The following MTMR3 variants were observed in gnomAD, a reference collection of about 807,000 sequenced individuals.
MTMR3 encodes the protein phosphatidylinositol-3,5-bisphosphate 3-phosphatase MTMR3.
MTMR3 carries 32 observed loss-of-function variants against 132.4 expected under a neutral mutation model. That is an observed-to-expected ratio of 0.24 (90% CI 0.18 to 0.32). The LOEUF is 0.32. Ranked by LOEUF, MTMR3 falls within the 10% of genes least tolerant of loss-of-function variation. The probability of loss-of-function intolerance (pLI) is 1.00; values close to 1 mark genes in which losing one functional copy is unlikely to be tolerated. For synonymous variants in MTMR3, 556 were observed against 550.3 expected, an observed-to-expected ratio of 1.01 and a Z score of -0.14; for missense variants, 1,216 against 1,489.6, an observed-to-expected ratio of 0.82 and a Z score of 3.02.
intron 7 of MTMR3, chr22:29,996,910 G>A (rs1181270690): frequency 6.6e-6 from 1 of 152,042 alleles, no homozygotes; most frequent in African/African-American, 2.4e-5. Flanking sequence ...TTTTTGTGGA[G>A]ATGGGGTTGC....
intron 1 of MTMR3, among the ~76,000 whole-genome samples, chr22:29,937,696 G>T (rs891772717): frequency 6.6e-6 from 1 of 152,124 alleles, no homozygotes; most frequent in Admixed American, 6.5e-5. Context: ...GTTTCGTAGG[G>T]AGTATATATT....
intron 5 of MTMR3, chr22:29,986,461 C>G: frequency 1.7e-6 from 1 of 600,206 alleles, no homozygotes; most frequent in Admixed American, 6.4e-5. Context: ...CTCAATATTT[C>G]TTCTTTATAG....
intron 8 of MTMR3, chr22:29,999,864 T>A (rs978658155): frequency 6.6e-6 from 1 of 152,020 alleles, no homozygotes; most frequent in Non-Finnish European, 1.5e-5. Flanking sequence ...ATACAAAAAT[T>A]AGCTGGGCGT....
chr22:29,911,851 A>G lies in MTMR3; in HGVS notation c.-138+28492A>G, dbSNP rs1160512062. 2.0e-5 allele frequency among the ~76,000 whole-genome samples: 3 copies of G among 152,190 alleles called. No homozygotes were observed. In the East Asian group the frequency reaches 5.8e-4, roughly 29 times the overall value. ...TAGAATTAATCAGTATTCCTTTCCCATTATTTATGCCTATACAGTGTAGAA... is the reference window on the plus strand; with the variant it reads ...TAGAATTAATCAGTATTCCTTTCCCGTTATTTATGCCTATACAGTGTAGAA... On this transcript the variant is annotated intron_variant, in intron 1 of 19. Coordinates refer to ENST00000401950, the MANE Select transcript of MTMR3 (RefSeq NM_021090.4).
chr22:30,023,150 C>T (rs1601443177), intron 19 of MTMR3: 4 of 453,006 alleles, frequency 8.8e-6, no homozygotes, highest in East Asian at 4.3e-5. Flanking sequence ...GTAGAGACAG[C>T]TGAGGACAGT....
At chr22:29,962,734 A>G (rs183733544) in intron 2 of MTMR3, among the ~76,000 whole-genome samples, 1 of 152,056 alleles carries the variant, frequency 6.6e-6, no homozygotes, top group African/African-American at 2.4e-5. Flanking sequence ...GGTCTTTCCC[A>G]GCTCCTGGCA....
intron 1 of MTMR3, among the ~76,000 whole-genome samples, chr22:29,912,685 G>T (rs918747510): frequency 1.1e-4 from 17 of 152,166 alleles, no homozygotes; most frequent in Non-Finnish European, 2.5e-4. Flanking sequence ...AGAATGAAAG[G>T]TGAGTACCTA....
chr22:29,913,452 T>C (rs538499733), intron 1 of MTMR3, among the ~76,000 whole-genome samples: 8 of 152,332 alleles, frequency 5.3e-5, no homozygotes, highest in African/African-American at 1.7e-4. Flanking sequence ...CCAGAGCACA[T>C]ATGTATACCT....
chr22:29,938,339 T>TA (rs2065790510), intron 1 of MTMR3, among the ~76,000 whole-genome samples: 6 of 152,230 alleles, frequency 3.9e-5, no homozygotes, highest in Admixed American at 3.9e-4. Context: ...TTCTTGAGTT[T>TA]ATAATTTTCG....
intron 1 of MTMR3, among the ~76,000 whole-genome samples, chr22:29,894,099 C>T (rs1429119730): frequency 6.6e-6 from 1 of 152,194 alleles, no homozygotes; most frequent in African/African-American, 2.4e-5. Context: ...CCCATCTTGA[C>T]CTTCCAAAGT....
Position 30,021,927 on chromosome 22 carries a change from G to A in MTMR3, c.3226-102G>A. On this transcript the variant is annotated intron_variant, in intron 17 of 19. Transcript: ENST00000401950. Reference sequence around the variant, plus strand: ...TGCAGATTCGGCAGTCCTAGCACTCGGCCCCACCCAGAGTCCTCAGTTCTC... The same window carrying A: ...TGCAGATTCGGCAGTCCTAGCACTCAGCCCCACCCAGAGTCCTCAGTTCTC... 3 of 866,862 alleles carry A rather than the reference G, an allele frequency of 3.5e-6. No individual in the cohort carries two copies. The South Asian group carries it at 4.5e-5, about 13-fold the overall frequency. 53.7% of individuals were successfully genotyped at this position (866,862 alleles called of 1,614,324 possible). A position where few individuals can be genotyped will look rare whatever the true frequency, so the allele number is the denominator to read the frequency against.
intron 1 of MTMR3, 98 bp from the exon 2 acceptor site, chr22:29,956,938 T>TA (rs1309261395): frequency 6.4e-4 from 97 of 152,432 alleles, no homozygotes; most frequent in African/African-American, 2.3e-3. Context: ...GTCATAGCAT[T>TA]ATGACTGGTA....
chr22:30,003,082 G>A, intron 9 of MTMR3, 89 bp downstream of exon 9: 1 of 1,043,178 alleles, frequency 9.6e-7, no homozygotes. Flanking sequence ...AACCTGGGAA[G>A]GGTGGGGAGA....
At chr22:29,889,907 C>CTT (rs11399020) in intron 1 of MTMR3, among the ~76,000 whole-genome samples, 23,941 of 124,852 alleles carry the variant, frequency 0.19, 3,219 homozygotes, top group African/African-American at 0.29. Flanking sequence ...AGGATAAATT[C>CTT]TTTTTTTTTT....
Position 30,022,602 on chromosome 22 carries a change from T to C in MTMR3, c.3337-7T>C, listed in dbSNP as rs1431449177. 2 of 1,611,826 alleles carry C rather than the reference T, an allele frequency of 1.2e-6. No homozygotes were observed. The highest frequency in any genetic ancestry group is 3.3e-5 in the Admixed American group (2 of 59,996). On this transcript the variant is annotated splice_polypyrimidine_tract_variant and splice_region_variant and intron_variant, in intron 18 of 19. Transcript: ENST00000401950. ...CTGTCAGTAACCTGGTCCCATCTGT[T>C]TTGCAGATGACCCGTTGGCTTCCTG...
intron 8 of MTMR3, chr22:29,999,063 GA>G (rs1348999085): frequency 2.6e-6 from 1 of 385,788 alleles, no homozygotes; most frequent in Non-Finnish European, 4.6e-6. Context: ...TACTTAACAG[GA>G]TCCTAGAACC....
At chr22:30,023,582 G>A in intron 19 of MTMR3, 1 of 1,449,092 alleles carries the variant, frequency 6.9e-7, no homozygotes, top group Non-Finnish European at 9.7e-7. Flanking sequence ...TTACTAGGGT[G>A]AAGCCTGGGG....
intron 1 of MTMR3, among the ~76,000 whole-genome samples, chr22:29,912,439 A>G (rs941476327): frequency 2.3e-4 from 35 of 152,188 alleles, no homozygotes; most frequent in Admixed American, 1.3e-4. Context: ...GTGCGCTACC[A>G]TGCCTGGCTA....
chr22:29,937,164 C>T (rs2065765626), intron 1 of MTMR3, among the ~76,000 whole-genome samples: 1 of 151,958 alleles, frequency 6.6e-6, no homozygotes, highest in Non-Finnish European at 1.5e-5. Flanking sequence ...TTGTCTTGTA[C>T]TTACTTGGAT....
Sources: allele counts gnomAD v4.1 joint callset (sites outside exome capture counted in the v4.1 genomes callset), GRCh38; gene constraint gnomAD v4.1.1; transcripts MANE v1.5; gene names NCBI Gene and HGNC (gene_info 2026-07-23, HGNC 2026-07-21).